Variants in SPACA6 observed in about 807,000 individuals in gnomAD.
SPACA6 encodes sperm acrosome membrane-associated protein 6.
For missense variants in SPACA6, 8 were observed against 2.8 expected (o/e 2.88, Z -1.34); for synonymous variants, 6 against 1.5 (o/e 4.05, Z -2.21).
At position 51,704,456 on chromosome 19, in the gene SPACA6, C is replaced by T. The variant is rs1425707482; in HGVS notation, c.917C>T (p.Ser306Leu). Residue 306 changes from serine to leucine, a missense_variant, in exon 8 of 9, where the codon TCA (serine) becomes TTA (leucine). Coordinates refer to ENST00000637797, the MANE Select transcript of SPACA6 (RefSeq NM_001316972.2). ...FLLAVLGALA[S>L]ASATVLAWMF... Reference sequence around the variant, plus strand: ...CTTGCAGTCCTCGGGGCCCTCGCATCAGCGAGTGCGACAGTGTTGGCGTGG... The same window carrying T: ...CTTGCAGTCCTCGGGGCCCTCGCATTAGCGAGTGCGACAGTGTTGGCGTGG... 5.0e-6 allele frequency: 2 copies of T among 401,086 alleles called. No individual in the cohort carries two copies. Among genetic ancestry groups the T allele is most frequent in the South Asian group, 1.3e-4 (1 of 7,958 alleles). 24.8% of individuals were successfully genotyped at this position (401,086 alleles called of 1,614,324 possible). A position where few individuals can be genotyped will look rare whatever the true frequency, so the allele number is the denominator to read the frequency against.
intron 2 of SPACA6, among the ~76,000 whole-genome samples, chr19:51,701,407 G>T (rs959907737): frequency 6.6e-6 from 1 of 152,152 alleles, no homozygotes; most frequent in Non-Finnish European, 1.5e-5. Context: ...GAGAGATTCA[G>T]GAGGCAGAAG....
At position 51,693,468 on chromosome 19, in the gene SPACA6, C is replaced by T. The variant is rs1037091266; in HGVS notation, c.-59C>T. 2.6e-5 allele frequency: 14 copies of T among 543,658 alleles called. No homozygotes were observed. The highest frequency in any genetic ancestry group is 3.5e-5 in the Non-Finnish European group (10 of 287,250). 33.7% of individuals were successfully genotyped at this position (543,658 alleles called of 1,614,324 possible). A position where few individuals can be genotyped will look rare whatever the true frequency, so the allele number is the denominator to read the frequency against. On this transcript the variant is annotated 5_prime_UTR_variant, in exon 1 of 9. Transcript: ENST00000637797. Reference sequence around the variant, plus strand: ...GACCCCAGACCACTGGCCCTTCCCCCGCCCTGTGGTGACTTCATAAAGGTT... The same window carrying T: ...GACCCCAGACCACTGGCCCTTCCCCTGCCCTGTGGTGACTTCATAAAGGTT...
At chr19:51,698,994 A>T (rs1054416989) in intron 2 of SPACA6, among the ~76,000 whole-genome samples, 1 of 152,124 alleles carries the variant, frequency 6.6e-6, no homozygotes, top group African/African-American at 2.4e-5. Flanking sequence ...GAACAATAAG[A>T]TGGCACCACC....
At chr19:51,697,784 A>G (rs1383799136) in intron 2 of SPACA6, among the ~76,000 whole-genome samples, 2 of 152,194 alleles carry the variant, frequency 1.3e-5, no homozygotes, top group Admixed American at 6.5e-5. Flanking sequence ...GACTGGATGC[A>G]GTATTAGGTG....
chr19:51,695,045 G>A lies in SPACA6; in HGVS notation c.292+490G>A, dbSNP rs555193309. Among the ~76,000 whole-genome samples, 3 of 152,132 alleles carry A rather than the reference G, an allele frequency of 2.0e-5. No homozygotes were observed. The South Asian group carries it at 6.2e-4, about 32-fold the overall frequency. On this transcript the variant is annotated intron_variant, in intron 2 of 8. Coordinates refer to ENST00000637797, the MANE Select transcript of SPACA6 (RefSeq NM_001316972.2). ...TAGAACACACACACACTCGCACACA[G>A]ACACGCTCAGAGACATACACTCACA... is the stretch of plus-strand genomic sequence containing the variant.
At chr19:51,709,930 C>T (rs568483290), downstream of SPACA6, among the ~76,000 whole-genome samples, 10 of 152,286 alleles carry the variant, frequency 6.6e-5, no homozygotes, top group Admixed American at 1.3e-4. Context: ...ACTGTGCAGT[C>T]AAACCCTCTG....
chr19:51,689,873 GC>G (rs2083354566), upstream of SPACA6, among the ~76,000 whole-genome samples: 1 of 151,784 alleles, frequency 6.6e-6, no homozygotes, highest in African/African-American at 2.4e-5. Flanking sequence ...GGGGCGAGCT[GC>G]CCGAGCCCTC....
chr19:51,695,547 C>G (rs1322213196), intron 2 of SPACA6, among the ~76,000 whole-genome samples: 2 of 152,226 alleles, frequency 1.3e-5, no homozygotes, highest in African/African-American at 4.8e-5. Flanking sequence ...CAGGGGGCAT[C>G]CAGGGCCAGC....
chr19:51,686,756 A>G (rs1439368944), upstream of SPACA6: 2 of 152,194 alleles, frequency 1.3e-5, no homozygotes, highest in Non-Finnish European at 2.9e-5. Context: ...CCATCCTTAC[A>G]ATTGGGATAA....
In SPACA6 at chr19:51,703,365, A is replaced by G; in HGVS notation, c.573+28A>G. ...GAGTCGGGGCGGGGCCGGCGCGAAGAGTTTAGACGGGCGAGTTAGCCTTCA... is the reference window on the plus strand; with the variant it reads ...GAGTCGGGGCGGGGCCGGCGCGAAGGGTTTAGACGGGCGAGTTAGCCTTCA... On this transcript the variant is annotated intron_variant, in intron 6 of 8. Transcript: ENST00000637797. The surrounding 1 kb of genome is among the most constrained non-coding windows in gnomAD (Gnocchi z 4.2). 1 of 398,994 alleles carries G rather than the reference A, an allele frequency of 2.5e-6. No homozygotes were observed. Among genetic ancestry groups the G allele is most frequent in the East Asian group, 3.6e-5 (1 of 28,052 alleles). The allele number at this position is 398,994 out of a possible 1,614,324, so 24.7% of individuals were successfully genotyped here.
At chr19:51,701,026 A>C (rs981460923) in intron 2 of SPACA6, among the ~76,000 whole-genome samples, 1 of 152,154 alleles carries the variant, frequency 6.6e-6, no homozygotes, top group Admixed American at 6.5e-5. Context: ...GTTCGAGACC[A>C]GCCTGGCCAA....
chr19:51,685,908 G>T (rs1204459950), upstream of SPACA6: 3 of 152,208 alleles, frequency 2.0e-5, no homozygotes, highest in African/African-American at 7.2e-5. Flanking sequence ...TGCTCAAAAA[G>T]TTTTTGATTT....
At chr19:51,699,415 T>C (rs2083453117) in intron 2 of SPACA6, among the ~76,000 whole-genome samples, 1 of 152,176 alleles carries the variant, frequency 6.6e-6, no homozygotes, top group Non-Finnish European at 1.5e-5. Context: ...GCTTTTTATC[T>C]GTGTTCTGTG....
Position 51,701,649 on chromosome 19 carries a change from A to G in SPACA6, c.293-9A>G, listed in dbSNP as rs2083469124. The G allele has an allele frequency of 7.5e-6, 3 of 398,668 alleles. No homozygotes were observed. Among genetic ancestry groups the G allele is most frequent in the Non-Finnish European group, 1.3e-5 (3 of 225,992 alleles). The allele number at this position is 398,668 out of a possible 1,614,324, so 24.7% of individuals were successfully genotyped here. On this transcript the variant is annotated splice_polypyrimidine_tract_variant and intron_variant, in intron 2 of 8. Transcript: ENST00000637797. ...TACTACACAGGCCGTCCTCCCCTCCACTCTCCAGGATCCTTTGAGGTTGCC... is the reference window on the plus strand; with the variant it reads ...TACTACACAGGCCGTCCTCCCCTCCGCTCTCCAGGATCCTTTGAGGTTGCC...
chr19:51,689,830 TG>T (rs1011421288), upstream of SPACA6, among the ~76,000 whole-genome samples: 2 of 149,772 alleles, frequency 1.3e-5, no homozygotes, highest in African/African-American at 4.9e-5. Context: ...AGATGGGGGC[TG>T]GGGCTGGTAG....
chr19:51,708,374 T>C (rs965897236), downstream of SPACA6, among the ~76,000 whole-genome samples: 1 of 152,106 alleles, frequency 6.6e-6, no homozygotes, highest in Non-Finnish European at 1.5e-5. Flanking sequence ...ATACGAAATA[T>C]GGTAATATGT....
chr19:51,691,843 G>A (rs141394647), upstream of SPACA6, among the ~76,000 whole-genome samples: 1,278 of 152,208 alleles, frequency 8.4e-3, 14 homozygotes, highest in African/African-American at 0.029. Flanking sequence ...GGGTCCAGAA[G>A]CTGGAGAAGG....
chr19:51,709,096 G>C (rs1555793748), downstream of SPACA6, among the ~76,000 whole-genome samples: 1 of 152,010 alleles, frequency 6.6e-6, no homozygotes, highest in Non-Finnish European at 1.5e-5. Flanking sequence ...GGGTGTGGTG[G>C]CTCACACCTG....
At chr19:51,706,297 T>C (rs1399611994), downstream of SPACA6, among the ~76,000 whole-genome samples, 1 of 152,190 alleles carries the variant, frequency 6.6e-6, no homozygotes, top group African/African-American at 2.4e-5. Context: ...TCTCCTTTTT[T>C]TTGTCTAGTT....
Sources: gnomAD v4.1 joint callset for allele counts (sites outside exome capture counted in the v4.1 genomes callset) on GRCh38, gnomAD v4.1.1 for gene constraint, Gnocchi (gnomAD v3.1) non-coding constraint, MANE v1.5 for transcripts, NCBI Gene and HGNC (gene_info 2026-07-23, HGNC 2026-07-21) for gene names.